ASTN2: variants seen among roughly 807,000 people sequenced by gnomAD.
ASTN2 encodes the protein astrotactin-2.
In ASTN2, 54 loss-of-function variants were observed where a neutral mutation model predicts 139.8. The observed-to-expected ratio is 0.39, with a 90% CI of 0.31 to 0.48. ASTN2 has a LOEUF of 0.48. ASTN2 is among the 20% of genes least tolerant of loss of function. The pLI is 0.95. For synonymous variants in ASTN2, 756 were observed against 719.5 expected (o/e 1.05, Z -0.81); for missense variants, 1,565 against 1,725.1 (o/e 0.91, Z 1.64).
chr9:117,204,871 C>T (rs187215129), intron 3 of ASTN2, among the ~76,000 whole-genome samples: 1 of 151,838 alleles, frequency 6.6e-6, no homozygotes, highest in South Asian at 2.1e-4. Flanking sequence ...ATGTTTTCTG[C>T]CTTATCTAAG....
At chr9:116,685,623 G>A (rs1482777663) in intron 16 of ASTN2, among the ~76,000 whole-genome samples, 2 of 152,170 alleles carry the variant, frequency 1.3e-5, no homozygotes, top group Admixed American at 1.3e-4. Flanking sequence ...TTCTAATATT[G>A]TGCCAGGATA....
intron 10 of ASTN2, among the ~76,000 whole-genome samples, chr9:116,879,480 A>G (rs1472935383): frequency 6.6e-6 from 1 of 152,178 alleles, no homozygotes. Context: ...TTTGCTGAGA[A>G]AACCAACAAC....
At chr9:117,104,863 C>T (rs1337938268) in intron 4 of ASTN2, among the ~76,000 whole-genome samples, 3 of 152,098 alleles carry the variant, frequency 2.0e-5, no homozygotes. Context: ...CTCACTTGAC[C>T]TTTAACGTAA....
At chr9:116,490,035 G>A (rs1849464119) in intron 19 of ASTN2, among the ~76,000 whole-genome samples, 1 of 151,920 alleles carries the variant, frequency 6.6e-6, no homozygotes, top group South Asian at 2.1e-4. Flanking sequence ...GCACTCTCAT[G>A]CATTTGGAGT....
chr9:117,057,775 A>C (rs761937546), intron 5 of ASTN2, among the ~76,000 whole-genome samples: 1 of 152,184 alleles, frequency 6.6e-6, no homozygotes, highest in South Asian at 2.1e-4. Flanking sequence ...GGCAAGAAAA[A>C]GTGCCATTGC....
rs375013964 is a variant in ASTN2 at position 116,799,706 on chromosome 9, T to TC, written c.2396+5925_2396+5926insG. Among the ~76,000 whole-genome samples the TC allele has an allele frequency of 3.2e-5, 4 of 123,342 alleles. No homozygotes were observed. The East Asian group carries it at 1.0e-3, about 32-fold the overall frequency. The allele number at this position is 123,342 out of a possible 152,430, so 80.9% of individuals were successfully genotyped here. A position where few individuals can be genotyped will look rare whatever the true frequency, so the allele number is the denominator to read the frequency against. On this transcript the variant is annotated intron_variant, in intron 13 of 22. Coordinates refer to ENST00000313400, the MANE Select transcript of ASTN2 (RefSeq NM_001365068.1). ...AGTAGAATGAATGTGGGTAAGAGAG[T>TC]GGGGGGGGGGAGAATAAAAAACAAA...
At chr9:116,923,177 T>C (rs1379202848) in intron 10 of ASTN2, among the ~76,000 whole-genome samples, 1 of 152,206 alleles carries the variant, frequency 6.6e-6, no homozygotes, top group African/African-American at 2.4e-5. Context: ...AAAATTTTAT[T>C]TTTTAGATAG....
intron 19 of ASTN2, among the ~76,000 whole-genome samples, chr9:116,569,936 C>G (rs951800397): frequency 2.0e-5 from 3 of 152,194 alleles, no homozygotes; most frequent in African/African-American, 4.8e-5. Context: ...CCGTCTAATT[C>G]AGAGTCTCCT....
intron 2 of ASTN2, among the ~76,000 whole-genome samples, chr9:117,278,219 A>G (rs1834241035): frequency 6.6e-6 from 1 of 152,236 alleles, no homozygotes; most frequent in Non-Finnish European, 1.5e-5. Flanking sequence ...CCTATTGAGG[A>G]GAACGTTCCA....
intron 12 of ASTN2, among the ~76,000 whole-genome samples, chr9:116,812,407 C>T (rs147716212): frequency 6.6e-6 from 1 of 152,230 alleles, no homozygotes; most frequent in African/African-American, 2.4e-5. Context: ...AACTTAGAAG[C>T]AGAGGAGAAT....
intron 20 of ASTN2, 40 bp downstream of exon 20, chr9:116,487,319 C>T (rs1849372529): frequency 1.2e-6 from 2 of 1,606,294 alleles, no homozygotes; most frequent in East Asian, 4.5e-5. Flanking sequence ...TAAAATCATC[C>T]TGTCTGCCTC....
chr9:116,575,645 A>G (rs1853694491), intron 19 of ASTN2, among the ~76,000 whole-genome samples: 1 of 152,214 alleles, frequency 6.6e-6, no homozygotes, highest in Non-Finnish European at 1.5e-5. Flanking sequence ...CATTGTTCAT[A>G]TAGAAAAGGC....
At chr9:117,366,416 T>C (rs1032787817) in intron 1 of ASTN2, among the ~76,000 whole-genome samples, 2 of 152,136 alleles carry the variant, frequency 1.3e-5, no homozygotes, top group Non-Finnish European at 2.9e-5. Flanking sequence ...GCATCCCTGT[T>C]TTATACAGAA....
At chr9:116,612,089 GA>G (rs1415804160) in intron 19 of ASTN2, 1 of 152,034 alleles carries the variant, frequency 6.6e-6, no homozygotes, top group East Asian at 1.9e-4. Flanking sequence ...AATAGACACA[GA>G]AAATTCAACA....
chr9:116,495,003 C>T (rs772261073), intron 19 of ASTN2, among the ~76,000 whole-genome samples: 3 of 152,134 alleles, frequency 2.0e-5, no homozygotes, highest in Non-Finnish European at 4.4e-5. Context: ...CCTATTTACT[C>T]GACATCAGCA....
chr9:116,906,917 C>G (rs1834176582), intron 10 of ASTN2, among the ~76,000 whole-genome samples: 1 of 152,140 alleles, frequency 6.6e-6, no homozygotes, highest in South Asian at 2.1e-4. Flanking sequence ...TAAAATGTCT[C>G]TATTAATATT....
At chr9:117,154,665 C>A (rs916297878) in intron 3 of ASTN2, among the ~76,000 whole-genome samples, 5 of 151,926 alleles carry the variant, frequency 3.3e-5, no homozygotes, top group African/African-American at 4.8e-5. Flanking sequence ...AGTATACATA[C>A]AAAAGGATGA....
intron 10 of ASTN2, among the ~76,000 whole-genome samples, chr9:116,878,007 G>T (rs1405616449): frequency 6.6e-6 from 1 of 152,136 alleles, no homozygotes. Flanking sequence ...ACCACAATGG[G>T]ATACCATCTC....
chr9:116,984,024 A>G (rs1451753958), intron 7 of ASTN2, among the ~76,000 whole-genome samples: 1 of 152,188 alleles, frequency 6.6e-6, no homozygotes, highest in Non-Finnish European at 1.5e-5. Context: ...TGTACTTTAA[A>G]CCTAGATGTC....
Sources: allele counts gnomAD v4.1 joint callset (sites outside exome capture counted in the v4.1 genomes callset), GRCh38; gene constraint gnomAD v4.1.1; transcripts MANE v1.5; gene names NCBI Gene and HGNC (gene_info 2026-07-23, HGNC 2026-07-21).